ITGB3: variants seen among roughly 807,000 people sequenced by gnomAD.
The protein encoded by ITGB3 is integrin beta-3.
A neutral mutation model predicts 85.8 loss-of-function variants in ITGB3; 48 were observed. The observed-to-expected ratio is 0.56, with a 90% CI of 0.44 to 0.71. ITGB3 has a LOEUF of 0.71. Ranked by LOEUF, ITGB3 falls within the 30% of genes least tolerant of loss-of-function variation. The pLI is 0.00. For missense variants in ITGB3, 861 were observed against 1,019.1 expected (o/e 0.84, Z 2.11); for synonymous variants, 363 against 395.6 (o/e 0.92, Z 0.98).
intron 10 of ITGB3, among the ~76,000 whole-genome samples, chr17:47,293,294 GATA>G (rs2065134281): frequency 6.6e-6 from 1 of 152,152 alleles, no homozygotes; most frequent in Non-Finnish European, 1.5e-5. Context: ...GAGGCCCACT[GATA>G]ATCTCAAACT....
At chr17:47,289,932 T>G (rs2065118737) in intron 7 of ITGB3, among the ~76,000 whole-genome samples, 156 bp downstream of exon 7, 1 of 152,192 alleles carries the variant, frequency 6.6e-6, no homozygotes, top group Non-Finnish European at 1.5e-5. Flanking sequence ...GCCTTTTTCC[T>G]GCAATCTTGA....
chr17:47,272,160 A>G (rs1360433618), intron 1 of ITGB3, among the ~76,000 whole-genome samples: 1 of 143,698 alleles, frequency 7.0e-6, no homozygotes, highest in Non-Finnish European at 1.5e-5. Flanking sequence ...AGTTCATGCC[A>G]TTCTCCTGCC....
intron 6 of ITGB3, among the ~76,000 whole-genome samples, chr17:47,288,653 G>A (rs2065113581): frequency 6.6e-6 from 1 of 152,168 alleles, no homozygotes; most frequent in African/African-American, 2.4e-5. Flanking sequence ...CCCCCGCACA[G>A]TGTCCTTGAG....
rs993229571 is a variant in ITGB3 at position 47,313,645 on chromosome 17, G to C, written c.*3441G>C. Among the ~76,000 whole-genome samples, 2 of 152,082 alleles carry C rather than the reference G, an allele frequency of 1.3e-5. No homozygotes were observed. The highest frequency in any genetic ancestry group is 1.3e-4 in the Admixed American group (2 of 15,282). On this transcript the variant is annotated 3_prime_UTR_variant, in exon 15 of 15. Coordinates refer to ENST00000559488, the MANE Select transcript of ITGB3 (RefSeq NM_000212.3). ...ATTACAGGCGTGAGCCACTGCCCCC[G>C]GCTGTGGTTGAAATTTCTTAAGTGC...
rs528901969 is a variant in ITGB3, at chr17:47,277,842, T to C, written c.165+3338T>C. Among the ~76,000 whole-genome samples the C allele has an allele frequency of 4.1e-4, 63 of 152,342 alleles. 1 individual carries two copies. In the South Asian group the frequency reaches 0.013, roughly 32 times the overall value. Reference sequence around the variant, plus strand: ...GGAAGACTCTAATAGGATTTCCTTCTCATTTTCTTCTCTGCAACTGCAGGA... The same window carrying C: ...GGAAGACTCTAATAGGATTTCCTTCCCATTTTCTTCTCTGCAACTGCAGGA... On this transcript the variant is annotated intron_variant, in intron 2 of 14. Transcript: ENST00000559488.
At chr17:47,300,955 G>A (rs2143134088) in intron 12 of ITGB3, among the ~76,000 whole-genome samples, 1 of 152,284 alleles carries the variant, frequency 6.6e-6, no homozygotes, top group African/African-American at 2.4e-5. Flanking sequence ...TAGCTCAGTA[G>A]GCTAGTAAGC....
At chr17:47,297,773 T>C (rs1230506512) in intron 10 of ITGB3, among the ~76,000 whole-genome samples, 1 of 150,904 alleles carries the variant, frequency 6.6e-6, no homozygotes, top group East Asian at 1.9e-4. Context: ...TCCCAGCTAC[T>C]CAGGAGGCTA....
At chr17:47,281,224 G>A (rs907173085) in intron 2 of ITGB3, among the ~76,000 whole-genome samples, 9 of 152,190 alleles carry the variant, frequency 5.9e-5, no homozygotes, top group Admixed American at 3.9e-4. Context: ...GGGTTATCCA[G>A]CAGACATTTG....
At chr17:47,308,287 T>C (rs1376211550) in intron 14 of ITGB3, among the ~76,000 whole-genome samples, 1 of 152,118 alleles carries the variant, frequency 6.6e-6, no homozygotes, top group Admixed American at 6.5e-5. Context: ...ATATACTTAA[T>C]CTTACTCTAT....
At chr17:47,297,881 C>CAA (rs10665875) in intron 10 of ITGB3, among the ~76,000 whole-genome samples, 61,258 of 115,110 alleles carry the variant, frequency 0.53, 15,116 homozygotes, top group Non-Finnish European at 0.57. Flanking sequence ...GACTCTGTCT[C>CAA]AAAAAAAAAA....
At chr17:47,282,042 AG>A (rs1472137586) in intron 2 of ITGB3, among the ~76,000 whole-genome samples, 1 of 152,100 alleles carries the variant, frequency 6.6e-6, no homozygotes, top group Middle Eastern at 3.2e-3. Flanking sequence ...TCCACCTCCC[AG>A]GTTTAAGCGA....
chr17:47,292,379 G>A lies in ITGB3; in HGVS notation c.1501G>A (p.Glu501Lys), dbSNP rs750572541. 1.9e-6 allele frequency: 3 copies of A among 1,614,198 alleles called. No individual in the cohort carries two copies. The highest frequency in any genetic ancestry group is 1.1e-5 in the South Asian group (1 of 91,090). Residue 501 changes from glutamate to lysine, a missense_variant, in exon 10 of 15, where the codon GAG (glutamate) becomes AAG (lysine). Transcript: ENST00000559488. ...GCTGGGATCCCAGTGTGAGTGCTCAGAGGAGGACTATCGCCCTTCCCAGCA... is the reference window on the plus strand; with the variant it reads ...GCTGGGATCCCAGTGTGAGTGCTCAAAGGAGGACTATCGCCCTTCCCAGCA... Reference protein sequence around the residue: ...GWLGSQCECSEEDYRPSQQDE... With the variant: ...GWLGSQCECSKEDYRPSQQDE...
intron 13 of ITGB3, 79 bp downstream of exon 13, chr17:47,302,919 C>T (rs910702519): frequency 4.5e-6 from 7 of 1,554,130 alleles, no homozygotes; most frequent in Admixed American, 1.7e-5. Flanking sequence ...CTCTACTCAT[C>T]GAAGCTGTTA....
chr17:47,264,355 A>T (rs968200637), intron 1 of ITGB3, among the ~76,000 whole-genome samples: 3 of 152,218 alleles, frequency 2.0e-5, no homozygotes, highest in African/African-American at 7.2e-5. Flanking sequence ...GCCATCCATC[A>T]GCAAGTCTTT....
chr17:47,279,219 C>T (rs1186803348), intron 2 of ITGB3, among the ~76,000 whole-genome samples: 1 of 152,202 alleles, frequency 6.6e-6, no homozygotes, highest in African/African-American at 2.4e-5. Flanking sequence ...CACCTCTGTG[C>T]TCAGGCCCTT....
Position 47,290,265 on chromosome 17 carries a change from T to C in ITGB3, c.1116T>C (p.Asp372=), listed in dbSNP as rs1430761946. Residue 372 remains aspartate, a synonymous_variant, in exon 8 of 15, where the codon GAT becomes GAC. Coordinates refer to ENST00000559488, the MANE Select transcript of ITGB3 (RefSeq NM_000212.3). ...GCAATGTCCTCCAGCTCATTGTTGA[T>C]GCTTATGGGGTAAGTGTCTTGTGCT... ...DSSNVLQLIV[D]AYGKIRSKVE... 2 of 1,613,520 alleles carry C rather than the reference T, an allele frequency of 1.2e-6. No homozygotes were observed. Among genetic ancestry groups the C allele is most frequent in the Non-Finnish European group, 1.7e-6 (2 of 1,179,640 alleles).
rs148562034 is a variant in ITGB3 at position 47,283,418 on chromosome 17, C to T, written c.230C>T (p.Pro77Leu). 6.2e-7 allele frequency: 1 copy of T among 1,614,238 alleles called. No individual in the cohort carries two copies. The highest frequency in any genetic ancestry group is 1.1e-5 in the South Asian group (1 of 91,092). ...KENLLKDNCA[P>L]ESIEFPVSEA... Reference sequence around the variant, plus strand: ...AATCTGCTGAAGGATAACTGTGCCCCAGAATCCATCGAGTTCCCAGTGAGT... The same window carrying T: ...AATCTGCTGAAGGATAACTGTGCCCTAGAATCCATCGAGTTCCCAGTGAGT... Residue 77 changes from proline to leucine, a missense_variant, in exon 3 of 15, where the codon CCA (proline) becomes CTA (leucine). Coordinates refer to ENST00000559488, the MANE Select transcript of ITGB3 (RefSeq NM_000212.3).
intron 4 of ITGB3, among the ~76,000 whole-genome samples, chr17:47,284,964 A>G (rs529405762): frequency 4.4e-4 from 67 of 152,312 alleles, no homozygotes; most frequent in Non-Finnish European, 8.7e-4. Context: ...GGCAAGAGAG[A>G]ATGGGAGGGA....
chr17:47,299,547 G>C lies in ITGB3; in HGVS notation c.1913+17G>C, dbSNP rs1391170739. ...CTTTAAGAAGTGAGTGTGGAGTCTG[G>C]AGAGAGCCGGGAGGCTGGGAGGTAG... is the stretch of plus-strand genomic sequence containing the variant. On this transcript the variant is annotated intron_variant, in intron 11 of 14. Coordinates refer to ENST00000559488, the MANE Select transcript of ITGB3 (RefSeq NM_000212.3). This position sits in a 1 kb window ranked among gnomAD's most constrained non-coding sequence, Gnocchi z 5.1. 1 of 1,611,036 alleles carries C rather than the reference G, an allele frequency of 6.2e-7. No homozygotes were observed.
Sources: gnomAD v4.1 joint callset for allele counts (sites outside exome capture counted in the v4.1 genomes callset) on GRCh38, gnomAD v4.1.1 for gene constraint, Gnocchi (gnomAD v3.1) non-coding constraint, MANE v1.5 for transcripts, NCBI Gene and HGNC (gene_info 2026-07-23, HGNC 2026-07-21) for gene names.